The following SLC9A1 variants were observed in gnomAD, a reference collection of about 807,000 sequenced individuals.
SLC9A1 encodes solute carrier family 9 member A1.
A neutral mutation model predicts 67.9 loss-of-function variants in SLC9A1; 22 were observed. The observed-to-expected ratio is 0.32, with a 90% CI of 0.23 to 0.46. The LOEUF is 0.46. SLC9A1 is among the 20% of genes least tolerant of loss of function. SLC9A1 has a pLI of 1.00. For missense variants in SLC9A1, 686 were observed against 1,094.8 expected (o/e 0.63, Z 5.27); for synonymous variants, 421 against 471.8 (o/e 0.89, Z 1.40).
intron 1 of SLC9A1, among the ~76,000 whole-genome samples, chr1:27,120,641 G>A (rs2083299035): frequency 6.6e-6 from 1 of 151,990 alleles, no homozygotes; most frequent in Non-Finnish European, 1.5e-5. Context: ...AGGAGGCTGA[G>A]GCAGGAGAAT....
At chr1:27,138,736 G>A (rs1301936528) in intron 1 of SLC9A1, among the ~76,000 whole-genome samples, 6 of 152,144 alleles carry the variant, frequency 3.9e-5, no homozygotes, top group African/African-American at 9.7e-5. Flanking sequence ...CAGGAAGGCC[G>A]GTGCGACTGG....
chr1:27,119,288 G>A (rs1053145722), intron 1 of SLC9A1, among the ~76,000 whole-genome samples: 1 of 151,990 alleles, frequency 6.6e-6, no homozygotes, highest in Non-Finnish European at 1.5e-5. Flanking sequence ...CCCCCTTCCC[G>A]CAACCCTCCT....
chr1:27,127,582 A>T (rs1435098936), intron 1 of SLC9A1, among the ~76,000 whole-genome samples: 2 of 151,942 alleles, frequency 1.3e-5, no homozygotes, highest in African/African-American at 2.4e-5. Context: ...ATTCCCAATC[A>T]CCCTGCTGAG....
rs188820511 is a variant in SLC9A1, at chr1:27,134,284, A to G, written c.352+19699T>C. The stretch of plus-strand genomic sequence containing the variant: ...CTGGCTCTGTGACCTTCCCTGGGCT[A>G]CAGTTTCCTCACAGATAAGATGATG... On this transcript the variant is annotated intron_variant, in intron 1 of 11. Coordinates refer to ENST00000263980, the MANE Select transcript of SLC9A1 (RefSeq NM_003047.5). Among the ~76,000 whole-genome samples the G allele has an allele frequency of 5.2e-3, 799 of 152,308 alleles. 5 individuals are homozygous for G. Among genetic ancestry groups the G allele is most frequent in the South Asian group, 0.016 (79 of 4,824 alleles).
At chr1:27,103,667 T>C in intron 5 of SLC9A1, 1 of 307,984 alleles carries the variant, frequency 3.2e-6, no homozygotes. Context: ...AAACTACCTC[T>C]GCACTGCCTC....
At chr1:27,122,841 G>A (rs954580675) in intron 1 of SLC9A1, among the ~76,000 whole-genome samples, 1 of 152,200 alleles carries the variant, frequency 6.6e-6, no homozygotes, top group Non-Finnish European at 1.5e-5. Context: ...GTGAAGCAGA[G>A]GATGACTCAC....
At chr1:27,147,866 T>G (rs2083499957) in intron 1 of SLC9A1, among the ~76,000 whole-genome samples, 1 of 151,948 alleles carries the variant, frequency 6.6e-6, no homozygotes, top group Non-Finnish European at 1.5e-5. Flanking sequence ...TGGTGGCACA[T>G]GCCTGTAATC....
At chr1:27,102,202 G>A in intron 8 of SLC9A1, 72 bp from the exon 9 acceptor site, 1 of 1,439,446 alleles carries the variant, frequency 6.9e-7, no homozygotes, top group Non-Finnish European at 9.8e-7. Context: ...TTGGCCAGAA[G>A]GAAGTCACCC....
intron 1 of SLC9A1, among the ~76,000 whole-genome samples, chr1:27,144,308 T>C (rs556634175): frequency 1.5e-4 from 23 of 152,324 alleles, no homozygotes; most frequent in African/African-American, 5.5e-4. Flanking sequence ...AAGGAAGCTC[T>C]GGTATCTTAC....
At chr1:27,138,060 C>T (rs2124197275) in intron 1 of SLC9A1, among the ~76,000 whole-genome samples, 1 of 152,336 alleles carries the variant, frequency 6.6e-6, no homozygotes, top group South Asian at 2.1e-4. Context: ...CTCTATCGCA[C>T]TCCCAGGCTG....
rs2083148769 is a variant in SLC9A1, at chr1:27,101,941, C to T, written c.1935+75G>A. Reference sequence around the variant, plus strand: ...TGGGGTGGGTGCCGAGGGGCACGGGCAGGGCAGGGCTGCCGTAGAGAGGGG... The same window carrying T: ...TGGGGTGGGTGCCGAGGGGCACGGGTAGGGCAGGGCTGCCGTAGAGAGGGG... On this transcript the variant is annotated intron_variant, in intron 9 of 11. Coordinates refer to ENST00000263980, the MANE Select transcript of SLC9A1 (RefSeq NM_003047.5). The surrounding 1 kb of genome is among the most constrained non-coding windows in gnomAD (Gnocchi z 4.9). 3 of 1,429,068 alleles carry T rather than the reference C, an allele frequency of 2.1e-6. No homozygotes were observed. The highest frequency in any genetic ancestry group is 3.0e-6 in the Non-Finnish European group (3 of 1,016,144). 88.5% of individuals were successfully genotyped at this position (1,429,068 alleles called of 1,614,324 possible).
chr1:27,140,529 A>G (rs2083447091), intron 1 of SLC9A1, among the ~76,000 whole-genome samples: 1 of 152,128 alleles, frequency 6.6e-6, no homozygotes, highest in African/African-American at 2.4e-5. Flanking sequence ...ATTAGTGAGC[A>G]CTTACAATGT....
intron 1 of SLC9A1, among the ~76,000 whole-genome samples, chr1:27,129,526 T>A (rs367833470): frequency 1.3e-3 from 202 of 152,186 alleles, no homozygotes; most frequent in African/African-American, 4.5e-3. Flanking sequence ...GAAACAGCAA[T>A]GGGAGGTCAG....
Position 27,100,550 on chromosome 1 carries a change from T to C in SLC9A1, c.2205A>G (p.Glu735=), listed in dbSNP as rs4418629. Residue 735 remains glutamate (E), a synonymous_variant, in exon 12 of 12, where the codon GAA becomes GAG. Transcript: ENST00000263980. This position sits in a 1 kb window ranked among gnomAD's most constrained non-coding sequence, Gnocchi z 5.6. ...ACCCTAAGACTTTGCCCTTCAGCTC[T>C]TCATTCACCAGGTCCACAGACTCGG... is the stretch of plus-strand genomic sequence containing the variant. ...QSPESVDLVN[E]ELKGKVLGLS... 1,560,196 of 1,614,048 alleles carry C rather than the reference T, an allele frequency of 0.97. 754,252 individuals carry two copies. Among genetic ancestry groups the C allele is most frequent in the East Asian group, 1 (44,877 of 44,878 alleles).
rs987263715 is a variant in SLC9A1, at chr1:27,101,888, G to A, written c.1936-62C>T. On this transcript the variant is annotated intron_variant, in intron 9 of 11. Coordinates refer to ENST00000263980, the MANE Select transcript of SLC9A1 (RefSeq NM_003047.5). The surrounding 1 kb of genome is among the most constrained non-coding windows in gnomAD (Gnocchi z 4.9). ...GGAAGGCTCTGCTCATGGAGGGGTG[G>A]GGGCAGTGCTGGAGGCCGGGCCAGT... 7 of 1,465,286 alleles carry A rather than the reference G, an allele frequency of 4.8e-6. No homozygotes were observed. The Middle Eastern group carries it at 7.0e-4, about 146-fold the overall frequency. 90.8% of individuals were successfully genotyped at this position (1,465,286 alleles called of 1,614,324 possible).
At chr1:27,126,483 G>A (rs955384382) in intron 1 of SLC9A1, among the ~76,000 whole-genome samples, 6 of 152,188 alleles carry the variant, frequency 3.9e-5, no homozygotes, top group Non-Finnish European at 8.8e-5. Flanking sequence ...CTCTTCCAAG[G>A]TGCTGCTCAG....
Position 27,101,641 on chromosome 1 carries a change from G to A in SLC9A1, c.2037+84C>T. The A allele has an allele frequency of 3.0e-6, 3 of 985,364 alleles. No homozygotes were observed. Among genetic ancestry groups the A allele is most frequent in the Non-Finnish European group, 4.7e-6 (3 of 634,498 alleles). 61.0% of individuals were successfully genotyped at this position (985,364 alleles called of 1,614,324 possible). ...CCTCGAAAGCCAAACCCTGTTCCTAGAATGGGTACATTTCCTTAGAGGCTG... is the reference window on the plus strand; with the variant it reads ...CCTCGAAAGCCAAACCCTGTTCCTAAAATGGGTACATTTCCTTAGAGGCTG... On this transcript the variant is annotated intron_variant, in intron 10 of 11. Transcript: ENST00000263980. This position sits in a 1 kb window ranked among gnomAD's most constrained non-coding sequence, Gnocchi z 4.9.
intron 5 of SLC9A1, chr1:27,105,401 G>A (rs939556166): frequency 2.4e-5 from 8 of 331,696 alleles, no homozygotes; most frequent in African/African-American, 1.7e-4. Context: ...CTGGGTTCAA[G>A]TGATTCTCCT....
chr1:27,123,600 T>A (rs772084082), intron 1 of SLC9A1, among the ~76,000 whole-genome samples: 8 of 151,842 alleles, frequency 5.3e-5, no homozygotes, highest in Non-Finnish European at 1.2e-4. Context: ...AACCTCCGCC[T>A]CCTGGGTTCA....
Sources: gnomAD v4.1 joint callset for allele counts (sites outside exome capture counted in the v4.1 genomes callset) on GRCh38, gnomAD v4.1.1 for gene constraint, Gnocchi (gnomAD v3.1) non-coding constraint, MANE v1.5 for transcripts, NCBI Gene and HGNC (gene_info 2026-07-23, HGNC 2026-07-21) for gene names.